Variants in TMCO4 observed in about 807,000 individuals in gnomAD.
The protein encoded by TMCO4 is transmembrane and coiled-coil domain-containing protein 4.
In TMCO4, 58 loss-of-function variants were observed where a neutral mutation model predicts 64.7. That is an observed-to-expected ratio of 0.90 (90% CI 0.73 to 1.12). The LOEUF (loss-of-function observed/expected upper bound fraction) is 1.12. Ranked by LOEUF, TMCO4 falls within the 50% of genes most tolerant of loss-of-function variation. The pLI, the probability that TMCO4 is intolerant of heterozygous loss-of-function variation, is 0.00. For synonymous variants in TMCO4, 325 were observed against 346.1 expected (o/e 0.94, Z 0.68); for missense variants, 780 against 825.9 (o/e 0.94, Z 0.68).
chr1:19,730,774 T>C (rs1387931405), intron 13 of TMCO4, among the ~76,000 whole-genome samples: 1 of 152,162 alleles, frequency 6.6e-6, no homozygotes, highest in East Asian at 1.9e-4. Flanking sequence ...CAAGTTTTGT[T>C]AGGGGCAGTG....
At chr1:19,780,494 TC>T (rs1288306159) in intron 4 of TMCO4, 85 bp downstream of exon 4, 32 of 1,472,452 alleles carry the variant, frequency 2.2e-5, no homozygotes, top group Non-Finnish European at 2.7e-5. Context: ...CTGCATTGCC[TC>T]ATCGTGCCTG....
chr1:19,797,417 A>C (rs1412512402), intron 2 of TMCO4, among the ~76,000 whole-genome samples: 1 of 152,136 alleles, frequency 6.6e-6, no homozygotes, highest in African/African-American at 2.4e-5. Context: ...AGTGGCCTGG[A>C]AGAGCAGGTG....
At chr1:19,779,176 C>G (rs1363962138) in intron 4 of TMCO4, among the ~76,000 whole-genome samples, 2 of 152,226 alleles carry the variant, frequency 1.3e-5, no homozygotes, top group Non-Finnish European at 2.9e-5. Context: ...GCAAGAGCTT[C>G]TCACCATCTC....
chr1:19,764,967 G>A (rs2042670748), intron 6 of TMCO4, among the ~76,000 whole-genome samples: 1 of 152,014 alleles, frequency 6.6e-6, no homozygotes, highest in Non-Finnish European at 1.5e-5. Flanking sequence ...CAGGGAGGCA[G>A]GGTTTGCAAT....
chr1:19,705,430 G>A (rs530159303), intron 13 of TMCO4, among the ~76,000 whole-genome samples: 150 of 151,220 alleles, frequency 9.9e-4, no homozygotes, highest in Non-Finnish European at 1.8e-3. Context: ...CAGCCTGGGC[G>A]ACAGAGACAG....
chr1:19,734,172 T>C lies in TMCO4; in HGVS notation c.1264+3200A>G, dbSNP rs1318108265. Among the ~76,000 whole-genome samples the C allele has an allele frequency of 6.6e-6, 1 of 151,798 alleles. No homozygotes were observed. Among genetic ancestry groups the C allele is most frequent in the East Asian group, 1.9e-4 (1 of 5,168 alleles). On this transcript the variant is annotated intron_variant, in intron 13 of 15. Coordinates refer to ENST00000294543, the MANE Select transcript of TMCO4 (RefSeq NM_181719.7). This position sits in a 1 kb window ranked among gnomAD's most constrained non-coding sequence, Gnocchi z 4.4. ...GAGAGGACGGACCAAGAGGGAACAA[T>C]GGAAATAGAGCTTGGTCTGCTGGAG...
intron 6 of TMCO4, among the ~76,000 whole-genome samples, chr1:19,764,488 T>C (rs1487119300): frequency 6.6e-6 from 1 of 152,236 alleles, no homozygotes; most frequent in Non-Finnish European, 1.5e-5. Flanking sequence ...GGGCCGGGCA[T>C]ACACAGCAGG....
At chr1:19,740,987 G>A (rs1343494665) in intron 10 of TMCO4, 46 bp from the exon 11 acceptor site, 10 of 1,543,800 alleles carry the variant, frequency 6.5e-6, no homozygotes, top group Non-Finnish European at 8.7e-6. Context: ...CTATGGCAGA[G>A]GATGCCCCAC....
chr1:19,687,559 G>A (rs2095159306), intron 15 of TMCO4, among the ~76,000 whole-genome samples: 2 of 152,164 alleles, frequency 1.3e-5, no homozygotes, highest in Non-Finnish European at 2.9e-5. Flanking sequence ...TGGAGAGTAG[G>A]GAGTTAGCTG....
rs139771073 is a variant in TMCO4 at position 19,705,735 on chromosome 1, A to T, written c.1265-4850T>A. On this transcript the variant is annotated intron_variant, in intron 13 of 15. Coordinates refer to ENST00000294543, the MANE Select transcript of TMCO4 (RefSeq NM_181719.7). ...CTAGAACGGGATGGTGTAGGAGGGG[A>T]AACCTATTTAGGTTAGGAAAAAGAC... 3.7e-4 allele frequency among the ~76,000 whole-genome samples: 56 copies of T among 151,968 alleles called. No individual in the cohort carries two copies. In the South Asian group the frequency reaches 5.8e-3, roughly 16 times the overall value.
rs928463390 is a variant in TMCO4, at chr1:19,734,084, G to A, written c.1264+3288C>T. On this transcript the variant is annotated intron_variant, in intron 13 of 15. Coordinates refer to ENST00000294543, the MANE Select transcript of TMCO4 (RefSeq NM_181719.7). This position sits in a 1 kb window ranked among gnomAD's most constrained non-coding sequence, Gnocchi z 4.4. ...TACTATTATCATCATTATTATTGGA[G>A]GGAAAGCTTCCAGACACAGTGAGAC... is the stretch of plus-strand genomic sequence containing the variant. Among the ~76,000 whole-genome samples the A allele has an allele frequency of 2.0e-5, 3 of 152,168 alleles. No homozygotes were observed. The highest frequency in any genetic ancestry group is 7.2e-5 in the African/African-American group (3 of 41,428).
chr1:19,689,937 C>CA (rs543829920), intron 15 of TMCO4, among the ~76,000 whole-genome samples: 197 of 152,186 alleles, frequency 1.3e-3, no homozygotes, highest in Middle Eastern at 3.4e-3. Flanking sequence ...ACCTTCAAGC[C>CA]AAAAAAACAG....
intron 13 of TMCO4, among the ~76,000 whole-genome samples, chr1:19,707,484 G>T (rs753461237): frequency 2.6e-5 from 4 of 152,168 alleles, no homozygotes; most frequent in African/African-American, 9.7e-5. Flanking sequence ...TTATCCCGGG[G>T]TGGTGGCACA....
intron 13 of TMCO4, among the ~76,000 whole-genome samples, chr1:19,727,734 G>A (rs1409229016): frequency 3.3e-5 from 5 of 152,178 alleles, no homozygotes; most frequent in African/African-American, 7.2e-5. Context: ...AAGATAAATC[G>A]TGTTAAAGAT....
intron 13 of TMCO4, among the ~76,000 whole-genome samples, chr1:19,721,400 G>A (rs1295270916): frequency 6.6e-6 from 1 of 152,204 alleles, no homozygotes; most frequent in Non-Finnish European, 1.5e-5. Flanking sequence ...GGCAGTTAGT[G>A]CTGGACCTCG....
At chr1:19,757,163 G>GT (rs921159956) in intron 6 of TMCO4, among the ~76,000 whole-genome samples, 32 of 151,430 alleles carry the variant, frequency 2.1e-4, no homozygotes, top group African/African-American at 7.5e-4. Flanking sequence ...TGGTGGCGGG[G>GT]GGGGGCGCCT....
In TMCO4 at chr1:19,700,900, C is replaced by A; in HGVS notation, c.1265-15G>T. 6.2e-7 allele frequency: 1 copy of A among 1,611,512 alleles called. No individual in the cohort carries two copies. The highest frequency in any genetic ancestry group is 1.1e-5 in the South Asian group (1 of 90,976). On this transcript the variant is annotated splice_polypyrimidine_tract_variant and intron_variant, in intron 13 of 15. Coordinates refer to ENST00000294543, the MANE Select transcript of TMCO4 (RefSeq NM_181719.7). ...TCCTTGGCAATCTGGCAAAAGACCC[C>A]AGAAAAGGCCGTCAGTGTCCCTGGC...
Position 19,682,501 on chromosome 1 carries a change from A to C in TMCO4, c.*539T>G, listed in dbSNP as rs935780028. On this transcript the variant is annotated 3_prime_UTR_variant, in exon 16 of 16. Transcript: ENST00000294543. ...GGCTGTACAGGGCAGATCTGATTGGATCTCCTAAGAGCAGGAGTGAGCTGC... is the reference window on the plus strand; with the variant it reads ...GGCTGTACAGGGCAGATCTGATTGGCTCTCCTAAGAGCAGGAGTGAGCTGC... 1.5e-6 allele frequency: 1 copy of C among 670,646 alleles called. No individual in the cohort carries two copies. Among genetic ancestry groups the C allele is most frequent in the Non-Finnish European group, 2.8e-6 (1 of 361,542 alleles). 41.5% of individuals were successfully genotyped at this position (670,646 alleles called of 1,614,324 possible).
rs539057954 is a variant in TMCO4, at chr1:19,742,906, C to T, written c.878-1965G>A. Among the ~76,000 whole-genome samples, 10 of 152,088 alleles carry T rather than the reference C, an allele frequency of 6.6e-5. No individual in the cohort carries two copies. In the South Asian group the frequency reaches 1.2e-3, roughly 19 times the overall value. ...CTCTACTAAAATTACAAAAACTAGC[C>T]GGGCGTGGTGGCACATGCCTGTAAT... On this transcript the variant is annotated intron_variant, in intron 10 of 15. Coordinates refer to ENST00000294543, the MANE Select transcript of TMCO4 (RefSeq NM_181719.7).
Sources: allele counts gnomAD v4.1 joint callset (sites outside exome capture counted in the v4.1 genomes callset), GRCh38; gene constraint gnomAD v4.1.1; non-coding constraint Gnocchi (gnomAD v3.1); transcripts MANE v1.5; gene names NCBI Gene and HGNC (gene_info 2026-07-23, HGNC 2026-07-21).